DNMBP: variants seen among roughly 807,000 people sequenced by gnomAD.
DNMBP encodes dynamin binding protein.
Under a neutral mutation model 150.0 loss-of-function variants are expected in DNMBP, and 87 were observed. The observed-to-expected ratio is 0.58, with a 90% CI of 0.49 to 0.69. The LOEUF (loss-of-function observed/expected upper bound fraction) is 0.69, where lower values mean the gene tolerates loss of function less well. Among genes scored for constraint, DNMBP ranks in the 30% least tolerant of loss-of-function variants. The pLI is 0.00. For missense variants in DNMBP, 1,774 were observed against 1,949.0 expected (o/e 0.91, Z 1.69); for synonymous variants, 711 against 750.4 (o/e 0.95, Z 0.86).
intron 4 of DNMBP, among the ~76,000 whole-genome samples, chr10:99,951,743 G>A (rs1229161605): frequency 6.6e-6 from 1 of 152,230 alleles, no homozygotes; most frequent in Non-Finnish European, 1.5e-5. Flanking sequence ...TTTCTAGGAA[G>A]TAACTAACTT....
At chr10:99,927,822 A>G (rs1462413283) in intron 4 of DNMBP, among the ~76,000 whole-genome samples, 1 of 152,234 alleles carries the variant, frequency 6.6e-6, no homozygotes, top group East Asian at 1.9e-4. Context: ...CAGAGGGCAC[A>G]TTACAACACT....
In DNMBP at chr10:99,880,207, G is replaced by T. The variant is rs1418708585; in HGVS notation, c.4152C>A (p.Thr1384=). The part of the protein sequence containing the change: ...FPRQNSGSTL[T]FNPSSMAVSF... ...ATACAGCCATGCTGCTGGGGTTGAA[G>T]GTCAGGGTGCTGCCGCTGTTCTGGC... Residue 1384 remains threonine, a synonymous_variant, in exon 16 of 17, where the codon ACC becomes ACA. Coordinates refer to ENST00000324109, the MANE Select transcript of DNMBP (RefSeq NM_015221.4). 3 of 1,614,088 alleles carry T rather than the reference G, an allele frequency of 1.9e-6. No individual in the cohort carries two copies. Among genetic ancestry groups the T allele is most frequent in the Non-Finnish European group, 2.5e-6 (3 of 1,180,042 alleles).
At chr10:99,895,856 G>A (rs2039645307) in intron 10 of DNMBP, among the ~76,000 whole-genome samples, 2 of 152,204 alleles carry the variant, frequency 1.3e-5, no homozygotes, top group Non-Finnish European at 2.9e-5. Flanking sequence ...TAGTATAGCA[G>A]AATGATGTCT....
chr10:99,911,711 C>CTGT (rs1255234971), intron 4 of DNMBP, among the ~76,000 whole-genome samples: 1 of 152,070 alleles, frequency 6.6e-6, no homozygotes, highest in African/African-American at 2.4e-5. Context: ...TGGTATTATT[C>CTGT]AAAATAAAAC....
intron 4 of DNMBP, among the ~76,000 whole-genome samples, chr10:99,920,885 G>A (rs1167551661): frequency 6.6e-6 from 1 of 152,006 alleles, no homozygotes; most frequent in African/African-American, 2.4e-5. Context: ...TCACTATGTT[G>A]CTCAGGCTGG....
At chr10:99,962,190 T>C (rs574180937) in intron 3 of DNMBP, among the ~76,000 whole-genome samples, 2 of 152,192 alleles carry the variant, frequency 1.3e-5, no homozygotes, top group Non-Finnish European at 1.5e-5. Flanking sequence ...TAACATAAGA[T>C]TTTACACTTA....
chr10:99,975,602 G>A (rs1462672584), intron 1 of DNMBP, among the ~76,000 whole-genome samples: 4 of 152,160 alleles, frequency 2.6e-5, no homozygotes, highest in Middle Eastern at 3.4e-3. Flanking sequence ...AGTGGTAAGT[G>A]GGTATTTCCC....
intron 7 of DNMBP, 119 bp downstream of exon 7, chr10:99,899,800 A>G: frequency 3.5e-6 from 4 of 1,126,936 alleles, no homozygotes; most frequent in Non-Finnish European, 5.4e-6. Context: ...CTTAAATGAT[A>G]TATATCATGG....
chr10:99,917,032 G>A (rs1033462436), intron 4 of DNMBP, among the ~76,000 whole-genome samples: 1 of 151,948 alleles, frequency 6.6e-6, no homozygotes, highest in African/African-American at 2.4e-5. Context: ...AAGGGCCCAG[G>A]TAAATAAACT....
chr10:99,971,836 TTTTCTTTC>T (rs528834177), intron 2 of DNMBP, 136 bp downstream of exon 2: 43 of 871,526 alleles, frequency 4.9e-5, no homozygotes, highest in East Asian at 2.6e-4. Context: ...CTAGGAATAA[TTTTCTTTC>T]TTTCTTTCTT....
In DNMBP at chr10:99,888,856, C is replaced by G; in HGVS notation, c.3254G>C (p.Arg1085Pro). 4 of 1,614,092 alleles carry G rather than the reference C, an allele frequency of 2.5e-6. No homozygotes were observed. Among genetic ancestry groups the G allele is most frequent in the Non-Finnish European group, 3.4e-6 (4 of 1,180,008 alleles). The change falls in exon 12 of 17, where the codon CGC becomes CCC. Residue 1085 changes from arginine to proline, a missense_variant. Transcript: ENST00000324109. ...RDLEQFERVH[R>P]YISDQLFTNF... The stretch of plus-strand genomic sequence containing the variant: ...TGTGAAGAGCTGGTCACTGATGTAG[C>G]GATGCACCCTCTCAAACTGCTCCAG...
intron 1 of DNMBP, among the ~76,000 whole-genome samples, chr10:99,990,728 TATAC>T (rs1564756271): frequency 1.3e-5 from 2 of 150,488 alleles, no homozygotes; most frequent in African/African-American, 2.4e-5. Context: ...TACACACAAA[TATAC>T]ATATATATGC....
At position 99,879,973 on chromosome 10, in the gene DNMBP, C is replaced by A. The variant is rs367752743; in HGVS notation, c.4386G>T (p.Thr1462=). 6 of 1,614,182 alleles carry A rather than the reference C, an allele frequency of 3.7e-6. No homozygotes were observed. The highest frequency in any genetic ancestry group is 5.1e-6 in the Non-Finnish European group (6 of 1,180,040). ...VARDVKQPTA[T]PRSYRNFRHP... ...GCCTGAAGTTCCGGTAGCTCCTCGG[C>A]GTGGCAGTGGGTTGCTTTACATCTC... is the stretch of plus-strand genomic sequence containing the variant. Residue 1462 remains threonine, a synonymous_variant, in exon 16 of 17, where the codon ACG becomes ACT. Transcript: ENST00000324109.
At position 99,898,264 on chromosome 10, in the gene DNMBP, G is replaced by C. The variant is rs7919507; in HGVS notation, c.2742C>G (p.Asn914Lys). ...CTGGTTTGATGAGGAAGGAGCCCAG[G>C]TTAATATAATTTGTGCATCCCCTGT... ...YNEWGCTNYINLGSFLIKPVQ... is the reference protein window; with the variant it reads ...YNEWGCTNYIKLGSFLIKPVQ... Residue 914 changes from asparagine to lysine, a missense_variant, in exon 9 of 17, where the codon AAC becomes AAG. By Grantham distance (94) the Asn-to-Lys change is moderately conservative (BLOSUM62 0). Around this residue, in one of 2 missense-constraint regions of DNMBP, gnomAD observed 1,430 missense variants for 1,492.5 expected, o/e 0.96. Coordinates refer to ENST00000324109, the MANE Select transcript of DNMBP (RefSeq NM_015221.4). 1,293 of 1,613,724 alleles carry C rather than the reference G, an allele frequency of 8.0e-4. 8 individuals carry two copies. The African/African-American group carries it at 0.016, about 20-fold the overall frequency.
At chr10:99,904,894 T>A (rs1359273685) in intron 6 of DNMBP, among the ~76,000 whole-genome samples, 2 of 152,182 alleles carry the variant, frequency 1.3e-5, no homozygotes, top group African/African-American at 4.8e-5. Context: ...ATGCTAAGAC[T>A]CTCATTTCTG....
At chr10:99,910,810 T>C (rs1009054489) in intron 4 of DNMBP, among the ~76,000 whole-genome samples, 9 of 152,200 alleles carry the variant, frequency 5.9e-5, no homozygotes, top group Non-Finnish European at 1.2e-4. Context: ...GCACAATGGA[T>C]TATTCCACTG....
At position 99,956,394 on chromosome 10, in the gene DNMBP, GGGA is replaced by G. The variant is rs774952805; in HGVS notation, c.1077_1079del (p.Pro360del). On this transcript the variant is annotated inframe_deletion, in exon 4 of 17. Transcript: ENST00000324109. ...CATACTCTGAAGTCAGATGACCGAG[GGGA>G]GAAGTGGGTGCTTCAGAAATAATGC... is the stretch of plus-strand genomic sequence containing the variant. 1 of 1,614,060 alleles carries G rather than the reference GGGA, an allele frequency of 6.2e-7. No homozygotes were observed.
chr10:99,994,127 CAGTT>C (rs1302804043), intron 1 of DNMBP, among the ~76,000 whole-genome samples: 1 of 152,132 alleles, frequency 6.6e-6, no homozygotes, highest in Non-Finnish European at 1.5e-5. Flanking sequence ...AACTACATAA[CAGTT>C]AGGAGCCCAG....
intron 6 of DNMBP, 109 bp from the exon 7 acceptor site, chr10:99,900,175 A>C: frequency 9.6e-7 from 1 of 1,040,228 alleles, no homozygotes; most frequent in Non-Finnish European, 1.4e-6. Flanking sequence ...TACCTATTAC[A>C]AGAAATGATA....
Sources: gnomAD v4.1 joint callset for allele counts (sites outside exome capture counted in the v4.1 genomes callset) on GRCh38, gnomAD v4.1.1 for gene constraint, gnomAD v4.1.1 regional missense constraint, MANE v1.5 for transcripts, NCBI Gene and HGNC (gene_info 2026-07-23, HGNC 2026-07-21) for gene names.